MYRFL: variants seen among roughly 807,000 people sequenced by gnomAD.
MYRFL encodes myelin regulatory factor-like protein.
A neutral mutation model predicts 109.4 loss-of-function variants in MYRFL; 88 were observed. The ratio of observed to expected loss-of-function variants is 0.80; its 90% CI spans 0.68 to 0.96. MYRFL has a LOEUF of 0.96. Ranked by LOEUF, MYRFL falls within the 40% of genes least tolerant of loss-of-function variation. The pLI, the probability that MYRFL is intolerant of heterozygous loss-of-function variation, is 0.00. For missense variants in MYRFL, 957 were observed against 954.9 expected, an observed-to-expected ratio of 1.00 and a Z score of -0.03; for synonymous variants, 324 against 320.9, an observed-to-expected ratio of 1.01 and a Z score of -0.10.
intron 16 of MYRFL, among the ~76,000 whole-genome samples, chr12:69,935,628 G>A (rs17225854): frequency 0.055 from 8,419 of 152,244 alleles, 294 homozygotes; most frequent in Middle Eastern, 0.14. Flanking sequence ...ACAGGCAGCC[G>A]GAAGGAAGAT....
rs1392547496 is a variant in MYRFL, at chr12:69,877,124, C to A, written c.138-1904C>A. Among the ~76,000 whole-genome samples the A allele has an allele frequency of 3.3e-5, 5 of 150,986 alleles. No homozygotes were observed. The East Asian group carries it at 9.7e-4, about 29-fold the overall frequency. On this transcript the variant is annotated intron_variant, in intron 2 of 24. Coordinates refer to ENST00000552032, the MANE Select transcript of MYRFL (RefSeq NM_182530.3). ...CTGCAAGCTCCGCCTCCCGGGTTCA[C>A]GCCATTCTCCTGCCTCAGCCTCCCG...
chr12:69,879,984 C>T (rs956137833), intron 4 of MYRFL, among the ~76,000 whole-genome samples: 1 of 152,104 alleles, frequency 6.6e-6, no homozygotes, highest in African/African-American at 2.4e-5. Context: ...TCAATGAGTC[C>T]TCTGCCATTA....
chr12:69,870,167 G>T (rs1565983580), intron 2 of MYRFL, among the ~76,000 whole-genome samples: 1 of 116,502 alleles, frequency 8.6e-6, no homozygotes, highest in Non-Finnish European at 1.6e-5. Context: ...GGAGGGCAGT[G>T]TTGAGATCTC....
At chr12:69,896,157 G>A (rs2136341797) in intron 9 of MYRFL, among the ~76,000 whole-genome samples, 1 of 152,246 alleles carries the variant, frequency 6.6e-6, no homozygotes, top group South Asian at 2.1e-4. Flanking sequence ...GGGTGACCTT[G>A]GGCATATAAC....
At chr12:69,947,327 G>A (rs1190759888) in intron 19 of MYRFL, among the ~76,000 whole-genome samples, 1 of 152,068 alleles carries the variant, frequency 6.6e-6, no homozygotes, top group East Asian at 1.9e-4. Flanking sequence ...TAAGTGAAGG[G>A]AAATCAACAT....
chr12:69,888,915 C>T (rs1430150648), intron 6 of MYRFL, among the ~76,000 whole-genome samples: 1 of 152,166 alleles, frequency 6.6e-6, no homozygotes, highest in Non-Finnish European at 1.5e-5. Flanking sequence ...ATTCTTCATT[C>T]AGTGGATTTT....
intron 21 of MYRFL, among the ~76,000 whole-genome samples, chr12:69,953,604 C>CCAAACAAACAAACAAA (rs111525528): frequency 6.6e-6 from 1 of 151,884 alleles, no homozygotes; most frequent in Non-Finnish European, 1.5e-5. Context: ...TCCTGTCTCT[C>CCAAACAAACAAACAAA]CAAACAAACA....
chr12:69,912,968 A>AT lies in MYRFL; in HGVS notation c.1602+2048dup, dbSNP rs201284266. Among the ~76,000 whole-genome samples the AT allele has an allele frequency of 8.8e-3, 1,324 of 150,260 alleles. 19 individuals carry two copies. The highest frequency in any genetic ancestry group is 0.03 in the African/African-American group (1,247 of 40,906). On this transcript the variant is annotated intron_variant, in intron 13 of 24. Coordinates refer to ENST00000552032, the MANE Select transcript of MYRFL (RefSeq NM_182530.3). ...GTCCACGTCCTCACCGATGCTTGTA[A>AT]TTTTTTTTTTCTTTTTTCAAACAGA...
At chr12:69,861,123 A>C (rs1213068074) in intron 2 of MYRFL, among the ~76,000 whole-genome samples, 1 of 150,918 alleles carries the variant, frequency 6.6e-6, no homozygotes, top group Non-Finnish European at 1.5e-5. Context: ...TATATGTGCC[A>C]CATTTTCTTA....
intron 2 of MYRFL, among the ~76,000 whole-genome samples, chr12:69,870,508 A>G (rs1223367991): frequency 1.3e-5 from 2 of 152,168 alleles, no homozygotes; most frequent in Non-Finnish European, 2.9e-5. Context: ...TCTGATGTGC[A>G]TTTCTGGGAT....
At chr12:69,925,106 G>A (rs889789868) in intron 13 of MYRFL, among the ~76,000 whole-genome samples, 7 of 152,224 alleles carry the variant, frequency 4.6e-5, no homozygotes, top group African/African-American at 1.4e-4. Flanking sequence ...GGACACTGTA[G>A]AGTGAGGGAT....
chr12:69,867,942 A>AC (rs1393672741), intron 2 of MYRFL, among the ~76,000 whole-genome samples: 1 of 152,176 alleles, frequency 6.6e-6, no homozygotes, highest in Non-Finnish European at 1.5e-5. Flanking sequence ...AGATGAAACG[A>AC]CCTATAATAA....
chr12:69,922,881 A>G (rs1954955802), intron 13 of MYRFL, among the ~76,000 whole-genome samples: 1 of 152,200 alleles, frequency 6.6e-6, no homozygotes, highest in Non-Finnish European at 1.5e-5. Flanking sequence ...GTTGGAAAAC[A>G]GTGATACTCT....
chr12:69,840,781 G>GT (rs1883201972), intron 1 of MYRFL, among the ~76,000 whole-genome samples: 1 of 152,164 alleles, frequency 6.6e-6, no homozygotes, highest in Non-Finnish European at 1.5e-5. Context: ...GTTTTCTGCT[G>GT]TTCTTAGAGT....
intron 2 of MYRFL, among the ~76,000 whole-genome samples, chr12:69,867,565 G>C (rs1284714861): frequency 2.6e-5 from 4 of 152,190 alleles, no homozygotes; most frequent in Admixed American, 2.0e-4. Context: ...TGTTATATCT[G>C]TGAAGGAATC....
Position 69,891,029 on chromosome 12 carries a change from G to A in MYRFL, c.766G>A (p.Glu256Lys). ...DKGFNFSPADEAFVCQKKNHF... is the reference protein window; with the variant it reads ...DKGFNFSPADKAFVCQKKNHF... ...AGGATTTAATTTTTCACCAGCAGAT[G>A]AAGCTTTTGTTTGCCAAAAGAAGAA... is the stretch of plus-strand genomic sequence containing the variant. The change falls in exon 7 of 25, where the codon GAA (glutamate) becomes AAA (lysine). Residue 256 changes from glutamate to lysine, a missense_variant. Glu to Lys is a moderately conservative substitution (Grantham distance 56, BLOSUM62 1). Transcript: ENST00000552032. The A allele has an allele frequency of 6.5e-7, 1 of 1,535,024 alleles. No individual in the cohort carries two copies. Among genetic ancestry groups the A allele is most frequent in the Non-Finnish European group, 8.7e-7 (1 of 1,146,410 alleles).
At chr12:69,951,691 G>T (rs559505315) in intron 19 of MYRFL, among the ~76,000 whole-genome samples, 7 of 152,042 alleles carry the variant, frequency 4.6e-5, no homozygotes, top group South Asian at 4.1e-4. Context: ...GCCTCCCAGA[G>T]TGCTGGGATT....
chr12:69,883,605 G>A (rs1047689227), intron 5 of MYRFL, among the ~76,000 whole-genome samples: 9 of 151,498 alleles, frequency 5.9e-5, no homozygotes, highest in African/African-American at 2.2e-4. Flanking sequence ...GCTCATGCCT[G>A]TAATCTCAGC....
intron 13 of MYRFL, among the ~76,000 whole-genome samples, chr12:69,918,974 G>C (rs1592830697): frequency 6.6e-6 from 1 of 152,208 alleles, no homozygotes. Context: ...CCTTTGAACT[G>C]TATTATTTAT....
Sources: allele counts gnomAD v4.1 joint callset (sites outside exome capture counted in the v4.1 genomes callset), GRCh38; gene constraint gnomAD v4.1.1; transcripts MANE v1.5; gene names NCBI Gene and HGNC (gene_info 2026-07-23, HGNC 2026-07-21).